Variants in MBNL1 observed in about 807,000 individuals in gnomAD.
MBNL1 encodes the protein muscleblind like splicing regulator 1, also known as muscleblind-like protein 1.
In MBNL1, 8 loss-of-function variants were observed where a neutral mutation model predicts 42.2. The ratio of observed to expected loss-of-function variants is 0.19; its 90% CI spans 0.11 to 0.34. The LOEUF (loss-of-function observed/expected upper bound fraction) is 0.34, where lower values mean the gene tolerates loss of function less well. Among genes scored for constraint, MBNL1 ranks in the 10% least tolerant of loss-of-function variants. MBNL1 has a pLI of 1.00. For missense variants in MBNL1, 309 were observed against 495.3 expected, an observed-to-expected ratio of 0.62 and a Z score of 3.57; for synonymous variants, 169 against 173.9, an observed-to-expected ratio of 0.97 and a Z score of 0.22.
intron 1 of MBNL1, among the ~76,000 whole-genome samples, chr3:152,276,503 T>C (rs992023345): frequency 6.6e-6 from 1 of 152,200 alleles, no homozygotes; most frequent in Non-Finnish European, 1.5e-5. Context: ...TTAAAAATAC[T>C]TATTTTGGAT....
At chr3:152,358,160 G>C (rs969354415) in intron 2 of MBNL1, among the ~76,000 whole-genome samples, 2 of 152,196 alleles carry the variant, frequency 1.3e-5, no homozygotes, top group African/African-American at 4.8e-5. Flanking sequence ...GGTATCCCAT[G>C]AAGAGCGAAA....
chr3:152,289,773 T>A (rs987739043), intron 1 of MBNL1, among the ~76,000 whole-genome samples: 1 of 152,098 alleles, frequency 6.6e-6, no homozygotes, highest in African/African-American at 2.4e-5. Context: ...TGTTAAAGTG[T>A]GTAGCACCTA....
chr3:152,417,792 A>G (rs2098727468), intron 3 of MBNL1, among the ~76,000 whole-genome samples: 1 of 152,232 alleles, frequency 6.6e-6, no homozygotes, highest in Non-Finnish European at 1.5e-5. Flanking sequence ...AAGCCCAGTT[A>G]CAGAGGCTGC....
At chr3:152,415,898 A>T (rs1005637772) in intron 3 of MBNL1, among the ~76,000 whole-genome samples, 1 of 152,254 alleles carries the variant, frequency 6.6e-6, no homozygotes, top group African/African-American at 2.4e-5. Context: ...AAAGATTATT[A>T]TAAGAATTAG....
chr3:152,341,011 C>G (rs2093055855), intron 2 of MBNL1: 2 of 1,314,192 alleles, frequency 1.5e-6, no homozygotes, highest in South Asian at 4.2e-5. Context: ...CTGTACGATG[C>G]TTATTTTTTA....
chr3:152,296,437 G>A (rs1265853109), intron 1 of MBNL1, among the ~76,000 whole-genome samples: 1 of 152,186 alleles, frequency 6.6e-6, no homozygotes, highest in Non-Finnish European at 1.5e-5. Flanking sequence ...AAAGACTTGT[G>A]AGTAGGAAGG....
intron 1 of MBNL1, among the ~76,000 whole-genome samples, chr3:152,284,486 GCTTT>G (rs1208084852): frequency 1.3e-5 from 2 of 151,970 alleles, no homozygotes; most frequent in Non-Finnish European, 2.9e-5. Flanking sequence ...AACCCTCAGT[GCTTT>G]CTTTCTGACA....
At chr3:152,336,646 A>G (rs2152748493) in intron 2 of MBNL1, among the ~76,000 whole-genome samples, 1 of 152,308 alleles carries the variant, frequency 6.6e-6, no homozygotes, top group African/African-American at 2.4e-5. Flanking sequence ...ATAAGGTGGG[A>G]GTTACTTCAT....
intron 3 of MBNL1, among the ~76,000 whole-genome samples, chr3:152,416,376 T>C (rs908700231): frequency 1.3e-5 from 2 of 152,232 alleles, no homozygotes; most frequent in Admixed American, 1.3e-4. Context: ...AAGTTATTTT[T>C]GTGACATCTA....
At chr3:152,409,149 T>C (rs2098508371) in intron 2 of MBNL1, among the ~76,000 whole-genome samples, 1 of 152,200 alleles carries the variant, frequency 6.6e-6, no homozygotes, top group African/African-American at 2.4e-5. Flanking sequence ...AATGAAAACA[T>C]AACCCTGAAG....
intron 1 of MBNL1, among the ~76,000 whole-genome samples, chr3:152,279,364 G>T (rs1045986602): frequency 1.3e-5 from 2 of 152,076 alleles, no homozygotes; most frequent in African/African-American, 4.8e-5. Flanking sequence ...TTCAAAACCA[G>T]CATTCCCCAA....
chr3:152,387,370 A>G lies in MBNL1; in HGVS notation c.175-27571A>G, dbSNP rs1474089091. 2.0e-5 allele frequency among the ~76,000 whole-genome samples: 3 copies of G among 152,110 alleles called. No homozygotes were observed. In the South Asian group the frequency reaches 6.2e-4, roughly 31 times the overall value. On this transcript the variant is annotated intron_variant, in intron 2 of 9. Transcript: ENST00000324210. ...GTTATTAAATGAAAGCTAATAAAGC[A>G]AATTCTTGGAAAGAAGGAAATTGTC... is the stretch of plus-strand genomic sequence containing the variant.
intron 2 of MBNL1, among the ~76,000 whole-genome samples, chr3:152,362,532 A>G (rs1176487487): frequency 6.6e-6 from 1 of 152,172 alleles, no homozygotes; most frequent in Non-Finnish European, 1.5e-5. Flanking sequence ...TTAAATTTCC[A>G]TGTAGTCTAG....
intron 2 of MBNL1, among the ~76,000 whole-genome samples, chr3:152,350,094 A>G (rs1553858365): frequency 1.3e-5 from 2 of 152,120 alleles, no homozygotes; most frequent in Non-Finnish European, 2.9e-5. Flanking sequence ...ACCTTGGCGC[A>G]TCTCTCTATA....
intron 3 of MBNL1, among the ~76,000 whole-genome samples, chr3:152,421,385 A>G (rs568119316): frequency 1.6e-3 from 247 of 152,230 alleles, no homozygotes; most frequent in Admixed American, 1.8e-3. Context: ...TCCCACCCCC[A>G]TGGAGCCCAA....
At chr3:152,337,765 T>C (rs1274773266) in intron 2 of MBNL1, among the ~76,000 whole-genome samples, 2 of 152,204 alleles carry the variant, frequency 1.3e-5, no homozygotes, top group Non-Finnish European at 2.9e-5. Context: ...TTCTTCTTTG[T>C]ATTCTTCTCT....
chr3:152,277,313 C>G (rs1211384610), intron 1 of MBNL1, among the ~76,000 whole-genome samples: 1 of 152,128 alleles, frequency 6.6e-6, no homozygotes, highest in African/African-American at 2.4e-5. Flanking sequence ...TGAGAAATGT[C>G]TCAATGTCAA....
chr3:152,291,169 T>A (rs1429804951), intron 1 of MBNL1, among the ~76,000 whole-genome samples: 1 of 152,172 alleles, frequency 6.6e-6, no homozygotes, highest in Non-Finnish European at 1.5e-5. Flanking sequence ...ATTCACAGTT[T>A]TATCTCATTA....
chr3:152,273,366 G>GA (rs35146041), intron 1 of MBNL1, among the ~76,000 whole-genome samples: 17,372 of 151,878 alleles, frequency 0.11, 1,208 homozygotes, highest in Middle Eastern at 0.18. Context: ...CATCCTTGAG[G>GA]AAAAAAATAG....
Sources: allele counts gnomAD v4.1 joint callset (sites outside exome capture counted in the v4.1 genomes callset), GRCh38; gene constraint gnomAD v4.1.1; transcripts MANE v1.5; gene names NCBI Gene and HGNC (gene_info 2026-07-23, HGNC 2026-07-21).